ARHGEF10: variants seen among roughly 807,000 people sequenced by gnomAD.
ARHGEF10 encodes the protein Rho guanine nucleotide exchange factor 10.
In ARHGEF10, 140 loss-of-function variants were observed where a neutral mutation model predicts 147.4. The observed-to-expected ratio is 0.95, with a 90% confidence interval of 0.83 to 1.09. The LOEUF is 1.09. Ranked by LOEUF, ARHGEF10 falls within the 50% of genes least tolerant of loss-of-function variation. The pLI, the probability that ARHGEF10 is intolerant of heterozygous loss-of-function variation, is 0.00. For synonymous variants in ARHGEF10, 902 were observed against 695.8 expected, an observed-to-expected ratio of 1.30 and a Z score of -4.67; for missense variants, 2,222 against 1,752.7, an observed-to-expected ratio of 1.27 and a Z score of -4.78.
chr8:1,826,760 G>A lies in ARHGEF10; in HGVS notation c.-48+2647G>A, dbSNP rs138670085. Among the ~76,000 whole-genome samples, 5 of 152,350 alleles carry A rather than the reference G, an allele frequency of 3.3e-5. No individual in the cohort carries two copies. In the East Asian group the frequency reaches 9.6e-4, roughly 29 times the overall value. ...GTCATTGTTTACTGCACAGTGTGTG[G>A]CAGGAAGCATGCAAAGAACAGCTCG... is the stretch of plus-strand genomic sequence containing the variant. On this transcript the variant is annotated intron_variant, in intron 1 of 28. Transcript: ENST00000349830.
In ARHGEF10 at chr8:1,850,601, T is replaced by G. The variant is rs544003642; in HGVS notation, c.37+7165T>G. On this transcript the variant is annotated intron_variant, in intron 2 of 28. Coordinates refer to ENST00000349830, the MANE Select transcript of ARHGEF10 (RefSeq NM_014629.4). ...GGAGGGCCGGGTGCTGGCGGGTGGC[T>G]AGAGGGCGTGGGGCAGCCGCGTGGG... Among the ~76,000 whole-genome samples the G allele has an allele frequency of 1.2e-4, 17 of 144,592 alleles. No homozygotes were observed. In the South Asian group the frequency reaches 3.8e-3, roughly 32 times the overall value. 94.9% of individuals were successfully genotyped at this position (144,592 alleles called of 152,430 possible).
intron 6 of ARHGEF10, 51 bp from the exon 7 acceptor site, chr8:1,869,143 C>T (rs760898291): frequency 1.3e-6 from 2 of 1,510,184 alleles, no homozygotes; most frequent in South Asian, 2.2e-5. Context: ...ATTTAAATTG[C>T]ACTAGGTTTT....
At chr8:1,885,056 C>G (rs1283300365) in intron 10 of ARHGEF10, among the ~76,000 whole-genome samples, 1 of 152,318 alleles carries the variant, frequency 6.6e-6, no homozygotes, top group South Asian at 2.1e-4. Flanking sequence ...TGAGCCACCC[C>G]ACCCAACTGT....
intron 17 of ARHGEF10, among the ~76,000 whole-genome samples, chr8:1,908,981 G>T (rs1220995689): frequency 6.6e-6 from 1 of 152,184 alleles, no homozygotes; most frequent in Non-Finnish European, 1.5e-5. Context: ...TGGTAATCGA[G>T]CACCTTTGCT....
At chr8:1,878,545 C>G (rs577897179) in intron 8 of ARHGEF10, among the ~76,000 whole-genome samples, 1 of 152,310 alleles carries the variant, frequency 6.6e-6, no homozygotes, top group South Asian at 2.1e-4. Context: ...GTAGCTGAGT[C>G]AGACACTTGA....
At chr8:1,945,770 A>G in intron 27 of ARHGEF10, 115 bp downstream of exon 27, 1 of 1,457,432 alleles carries the variant, frequency 6.9e-7, no homozygotes, top group African/African-American at 1.4e-5. Context: ...TGTTCACAAC[A>G]TGCTGCCAGG....
At chr8:1,941,480 A>G (rs1330511858) in intron 26 of ARHGEF10, among the ~76,000 whole-genome samples, 2 of 152,266 alleles carry the variant, frequency 1.3e-5, no homozygotes, top group East Asian at 3.8e-4. Flanking sequence ...ATGGGAAGGC[A>G]TCCTATGTTC....
chr8:1,933,988 G>A, intron 26 of ARHGEF10, 46 bp downstream of exon 26: 1 of 1,613,678 alleles, frequency 6.2e-7, no homozygotes, highest in Non-Finnish European at 8.5e-7. Context: ...ATGCATTTCA[G>A]AAACAGCTCA....
At position 1,909,523 on chromosome 8, in the gene ARHGEF10, G is replaced by A. The variant is rs76534565; in HGVS notation, c.2143+53G>A. The A allele has an allele frequency of 2.6e-3, 4,179 of 1,607,624 alleles. 103 individuals are homozygous for A. The African/African-American group carries it at 0.049, about 19-fold the overall frequency. On this transcript the variant is annotated intron_variant, in intron 18 of 28. Coordinates refer to ENST00000349830, the MANE Select transcript of ARHGEF10 (RefSeq NM_014629.4). ...GCCGTGGGGCCAGGGTAACTCTCAC[G>A]TTCATGCTAGCTGTGGGGCCAGCGT...
chr8:1,910,371 C>A (rs564869017), intron 18 of ARHGEF10, among the ~76,000 whole-genome samples: 2 of 152,108 alleles, frequency 1.3e-5, no homozygotes, highest in African/African-American at 4.8e-5. Flanking sequence ...GCTTTGGGAC[C>A]GCTTTTATTT....
chr8:1,859,306 G>A (rs1216249138), intron 3 of ARHGEF10, among the ~76,000 whole-genome samples: 2 of 91,348 alleles, frequency 2.2e-5, no homozygotes, highest in East Asian at 3.6e-4. Flanking sequence ...TGTGCAGCAC[G>A]CGCCTCTCTG....
intron 4 of ARHGEF10, among the ~76,000 whole-genome samples, chr8:1,861,639 A>G (rs1297818459): frequency 1.3e-5 from 2 of 152,162 alleles, no homozygotes; most frequent in African/African-American, 4.8e-5. Flanking sequence ...TTGAGAAAAA[A>G]AAATCCTTAA....
intron 16 of ARHGEF10, among the ~76,000 whole-genome samples, chr8:1,905,030 G>A (rs903630731): frequency 6.6e-6 from 1 of 152,206 alleles, no homozygotes; most frequent in Non-Finnish European, 1.5e-5. Flanking sequence ...TCGAGAGGCT[G>A]AGGCACGAGA....
In ARHGEF10 at chr8:1,893,716, C is replaced by T. The variant is rs933561715; in HGVS notation, c.1260+70C>T. 11 of 1,239,846 alleles carry T rather than the reference C, an allele frequency of 8.9e-6. No individual in the cohort carries two copies. The African/African-American group carries it at 1.5e-4, about 17-fold the overall frequency. 76.8% of individuals were successfully genotyped at this position (1,239,846 alleles called of 1,614,324 possible). On this transcript the variant is annotated intron_variant, in intron 12 of 28. Coordinates refer to ENST00000349830, the MANE Select transcript of ARHGEF10 (RefSeq NM_014629.4). ...TTTTTTACCTATATACATTTTGATC[C>T]ATAAATGCAAAGCATATATGTTTAT...
At chr8:1,881,207 C>T (rs116205951) in intron 9 of ARHGEF10, among the ~76,000 whole-genome samples, 1 of 152,150 alleles carries the variant, frequency 6.6e-6, no homozygotes, top group Non-Finnish European at 1.5e-5. Context: ...CTGGTGAGAA[C>T]ACCCCTGTGT....
Position 1,858,082 on chromosome 8 carries a change from G to A in ARHGEF10, c.160G>A (p.Gly54Ser), listed in dbSNP as rs762577053. Residue 54 changes from glycine to serine, a missense_variant, in exon 3 of 29, where the codon GGT (glycine) becomes AGT (serine). By Grantham distance (56) the Gly-to-Ser change is moderately conservative. Coordinates refer to ENST00000349830, the MANE Select transcript of ARHGEF10 (RefSeq NM_014629.4). ...RQAPSAPETG[G>S]AGASEAPAPT... ...GGCCCCATCCGCCCCTGAGACAGGAGGTGCTGGAGCCAGTGAAGCCCCTGC... is the reference window on the plus strand; with the variant it reads ...GGCCCCATCCGCCCCTGAGACAGGAAGTGCTGGAGCCAGTGAAGCCCCTGC... The A allele has an allele frequency of 1.0e-4, 161 of 1,614,028 alleles. No individual in the cohort carries two copies. Among genetic ancestry groups the A allele is most frequent in the Non-Finnish European group, 1.3e-4 (159 of 1,180,028 alleles).
rs758204764 is a variant in ARHGEF10 at position 1,826,158 on chromosome 8, G to A, written c.-48+2045G>A. The A allele has an allele frequency of 6.3e-6, 10 of 1,582,890 alleles. No individual in the cohort carries two copies. The South Asian group carries it at 9.0e-5, about 14-fold the overall frequency. On this transcript the variant is annotated intron_variant, in intron 1 of 28. Transcript: ENST00000349830. ...GCAGTAAGAAAAGTCATTTGTATAAGGTGCTATTTGTAATTCATTAGTTGT... is the reference window on the plus strand; with the variant it reads ...GCAGTAAGAAAAGTCATTTGTATAAAGTGCTATTTGTAATTCATTAGTTGT...
chr8:1,906,670 T>A (rs917828732), intron 17 of ARHGEF10, among the ~76,000 whole-genome samples: 2 of 152,158 alleles, frequency 1.3e-5, no homozygotes, highest in Non-Finnish European at 2.9e-5. Context: ...TTCTCTGAAC[T>A]CTGAAAATTA....
At position 1,886,826 on chromosome 8, in the gene ARHGEF10, G is replaced by A. The variant is rs558484198; in HGVS notation, c.1182+1119G>A. Among the ~76,000 whole-genome samples, 22 of 152,296 alleles carry A rather than the reference G, an allele frequency of 1.4e-4. No individual in the cohort carries two copies. In the East Asian group the frequency reaches 3.9e-3, roughly 27 times the overall value. Reference sequence around the variant, plus strand: ...TGCATCCTCCAGCTATGCGAGGAAGGGGTCGTGTCTGATCTCAGTCTCTCC... The same window carrying A: ...TGCATCCTCCAGCTATGCGAGGAAGAGGTCGTGTCTGATCTCAGTCTCTCC... On this transcript the variant is annotated intron_variant, in intron 11 of 28. Coordinates refer to ENST00000349830, the MANE Select transcript of ARHGEF10 (RefSeq NM_014629.4).
Sources: allele counts gnomAD v4.1 joint callset (sites outside exome capture counted in the v4.1 genomes callset), GRCh38; gene constraint gnomAD v4.1.1; transcripts MANE v1.5; gene names NCBI Gene and HGNC (gene_info 2026-07-23, HGNC 2026-07-21).